CFAP99: variants seen among roughly 807,000 people sequenced by gnomAD.
CFAP99 encodes the protein cilia- and flagella-associated protein 99.
In CFAP99, 84 loss-of-function variants were observed where a neutral mutation model predicts 82.7. That is an observed-to-expected ratio of 1.02 (90% CI 0.85 to 1.22). CFAP99 has a LOEUF of 1.22. CFAP99 is among the 50% of genes most tolerant of loss of function. The pLI is 0.00. For synonymous variants in CFAP99, 456 were observed against 429.5 expected, an observed-to-expected ratio of 1.06 and a Z score of -0.76; for missense variants, 1,059 against 983.5, an observed-to-expected ratio of 1.08 and a Z score of -1.03.
exon 14 of CFAP99, chr4:2,460,212 G>T: frequency 2.0e-6 from 3 of 1,536,088 alleles, no homozygotes; most frequent in South Asian, 1.2e-5. Context: ...TCGCTGTGCC[G>T]TGCAGCCATG....
Position 2,440,072 on chromosome 4 carries a change from C to G in CFAP99, c.351+1908C>G, listed in dbSNP as rs1387502125. ...GGCCAGGCTGGTCTCGAACTCCTGA[C>G]CTCAGGTGATCCGCCTGCCTCGGCC... is the stretch of plus-strand genomic sequence containing the variant. On this transcript the variant is annotated intron_variant, in intron 4 of 14. Coordinates refer to ENST00000635017, the Ensembl canonical transcript of CFAP99. Among the ~76,000 whole-genome samples, 12 of 151,494 alleles carry G rather than the reference C, an allele frequency of 7.9e-5. No individual in the cohort carries two copies. The East Asian group carries it at 2.1e-3, about 27-fold the overall frequency.
chr4:2,440,196 G>C (rs1181939213), intron 4 of CFAP99, among the ~76,000 whole-genome samples: 4 of 125,854 alleles, frequency 3.2e-5, no homozygotes, highest in East Asian at 2.4e-4. Flanking sequence ...GCCCAGGCTG[G>C]AGTGCAGTGG....
chr4:2,460,257 C>G lies in CFAP99; in HGVS notation c.1661+15C>G, dbSNP rs368453490. 12 of 1,534,812 alleles carry G rather than the reference C, an allele frequency of 7.8e-6. No individual in the cohort carries two copies. In the African/African-American group the frequency reaches 1.5e-4, roughly 19 times the overall value. ...GCAGCCTTGAGGTTGGTACTGGGCT[C>G]GGGGAGGGTGCCTCTGGGTGGACAG... On this transcript the variant is annotated intron_variant, in intron 14 of 14. Transcript: ENST00000635017.
chr4:2,452,414 G>A, intron 11 of CFAP99, 68 bp downstream of exon 11: 1 of 1,486,510 alleles, frequency 6.7e-7, no homozygotes, highest in Middle Eastern at 2.3e-4. Context: ...GGGAGCTGCA[G>A]GGCCAGGGCT....
intron 2 of CFAP99, among the ~76,000 whole-genome samples, chr4:2,431,764 T>G (rs1362031666): frequency 1.3e-5 from 2 of 151,400 alleles, no homozygotes; most frequent in African/African-American, 4.9e-5. Flanking sequence ...TTTGAGACAC[T>G]CCCTCACCTA....
At chr4:2,443,035 T>TG in intron 4 of CFAP99, 95 bp from the exon 5 acceptor site, 1 of 586,676 alleles carries the variant, frequency 1.7e-6, no homozygotes, top group Non-Finnish European at 3.0e-6. Context: ...CTGGGGGCCT[T>TG]GGGGGCAGGG....
chr4:2,456,815 G>C (rs1017130682), intron 11 of CFAP99, among the ~76,000 whole-genome samples: 3 of 152,028 alleles, frequency 2.0e-5, no homozygotes, highest in Non-Finnish European at 4.4e-5. Flanking sequence ...CACCGCGCCC[G>C]GCCAATAACT....
At chr4:2,456,738 C>G (rs575769854) in intron 11 of CFAP99, among the ~76,000 whole-genome samples, 1 of 151,820 alleles carries the variant, frequency 6.6e-6, no homozygotes, top group East Asian at 2.0e-4. Flanking sequence ...AGGCTGGTCT[C>G]GAACTCCCGA....
Position 2,457,141 on chromosome 4 carries a change from G to A in CFAP99, c.1162-1582G>A, listed in dbSNP as rs139472101. Among the ~76,000 whole-genome samples the A allele has an allele frequency of 3.9e-4, 59 of 151,876 alleles. No homozygotes were observed. In the East Asian group the frequency reaches 9.7e-3, roughly 25 times the overall value. On this transcript the variant is annotated intron_variant, in intron 11 of 14. Transcript: ENST00000635017. ...CTAGTTTTGTATTTTCTGTAGAGACGGGGTCTCACTATGTTGGTCTCAAAC... is the reference window on the plus strand; with the variant it reads ...CTAGTTTTGTATTTTCTGTAGAGACAGGGTCTCACTATGTTGGTCTCAAAC...
chr4:2,456,293 A>G (rs375369319), intron 11 of CFAP99, among the ~76,000 whole-genome samples: 1 of 151,942 alleles, frequency 6.6e-6, no homozygotes, highest in South Asian at 2.1e-4. Context: ...TCGACCTCCC[A>G]AAGTGCTGGA....
At position 2,437,026 on chromosome 4, in the gene CFAP99, C is replaced by T; in HGVS notation, c.256+8C>T. The stretch of plus-strand genomic sequence containing the variant: ...ACCACAGCCGCTTCGAGGGTAGGTG[C>T]CTGGCTGGTCCCCAGGGCCAGGCCG... On this transcript the variant is annotated splice_region_variant and intron_variant, in intron 3 of 14. Transcript: ENST00000635017. 1 of 1,536,006 alleles carries T rather than the reference C, an allele frequency of 6.5e-7. No individual in the cohort carries two copies. The highest frequency in any genetic ancestry group is 8.7e-7 in the Non-Finnish European group (1 of 1,146,808).
At position 2,459,263 on chromosome 4, in the gene CFAP99, G is replaced by A. The variant is rs1420585502; in HGVS notation, c.1455+5G>A. On this transcript the variant is annotated splice_donor_5th_base_variant and intron_variant, in intron 13 of 14. Coordinates refer to ENST00000635017, the Ensembl canonical transcript of CFAP99. ...AAGCTCGTGGACCTGACCCAGGTGA[G>A]GATGCAGTCCTGGACGGGCCCATGC... 1.3e-6 allele frequency: 2 copies of A among 1,530,970 alleles called. No homozygotes were observed. The highest frequency in any genetic ancestry group is 1.7e-6 in the Non-Finnish European group (2 of 1,144,252). The allele number at this position is 1,530,970 out of a possible 1,614,324, so 94.8% of individuals were successfully genotyped here.
At chr4:2,457,534 C>T (rs959573418) in intron 11 of CFAP99, among the ~76,000 whole-genome samples, 7 of 152,186 alleles carry the variant, frequency 4.6e-5, no homozygotes, top group African/African-American at 9.7e-5. Context: ...CCCTGAGTGA[C>T]GGCAGGCAGG....
intron 4 of CFAP99, among the ~76,000 whole-genome samples, chr4:2,439,058 G>T (rs1206540704): frequency 1.3e-5 from 2 of 152,168 alleles, no homozygotes; most frequent in Admixed American, 6.5e-5. Context: ...GCACACACAG[G>T]CCTCTGGACC....
exon 12 of CFAP99, chr4:2,458,826 C>A (rs566636935): frequency 3.9e-6 from 6 of 1,535,812 alleles, no homozygotes; most frequent in South Asian, 3.6e-5. Context: ...AACGCCAAGG[C>A]GGCCCAGACG....
intron 11 of CFAP99, among the ~76,000 whole-genome samples, chr4:2,456,977 G>A (rs1469784568): frequency 2.2e-5 from 3 of 139,194 alleles, no homozygotes; most frequent in East Asian, 2.1e-4. Flanking sequence ...TTTTGAGATC[G>A]GGTCTTGCTC....
chr4:2,423,176 G>T (rs1353291137), intron 1 of CFAP99, among the ~76,000 whole-genome samples: 4 of 152,212 alleles, frequency 2.6e-5, no homozygotes, highest in African/African-American at 9.7e-5. Flanking sequence ...CCAGAAAAGT[G>T]CTTCCTGCTG....
chr4:2,426,410 C>T (rs1357098053), intron 1 of CFAP99, 49 bp from the exon 2 acceptor site: 23 of 1,190,206 alleles, frequency 1.9e-5, no homozygotes, highest in African/African-American at 7.6e-5. Flanking sequence ...GAGGGTCCTG[C>T]GGCTACATCC....
chr4:2,436,328 C>T (rs1733906535), intron 2 of CFAP99, among the ~76,000 whole-genome samples: 1 of 152,074 alleles, frequency 6.6e-6, no homozygotes, highest in Non-Finnish European at 1.5e-5. Flanking sequence ...TTTTTTAATT[C>T]ATTCATTTGA....
Sources: gnomAD v4.1 joint callset for allele counts (sites outside exome capture counted in the v4.1 genomes callset) on GRCh38, gnomAD v4.1.1 for gene constraint, MANE v1.5 for transcripts, NCBI Gene and HGNC (gene_info 2026-07-23, HGNC 2026-07-21) for gene names.